Variants in MROH7 observed in about 807,000 individuals in gnomAD.
MROH7 encodes the protein maestro heat-like repeat-containing protein family member 7.
In MROH7, 113 loss-of-function variants were observed where a neutral mutation model predicts 129.2. The ratio of observed to expected loss-of-function variants is 0.87; its 90% CI spans 0.75 to 1.02. The LOEUF (loss-of-function observed/expected upper bound fraction) is 1.02, where lower values mean the gene tolerates loss of function less well. MROH7 is among the 50% of genes least tolerant of loss of function. MROH7 has a pLI of 0.00. For missense variants in MROH7, 1,601 were observed against 1,671.3 expected, an observed-to-expected ratio of 0.96 and a Z score of 0.73; for synonymous variants, 655 against 667.9, an observed-to-expected ratio of 0.98 and a Z score of 0.30.
intron 10 of MROH7, among the ~76,000 whole-genome samples, chr1:54,675,358 G>C (rs902707204): frequency 2.0e-5 from 3 of 152,176 alleles, no homozygotes; most frequent in Admixed American, 2.0e-4. Flanking sequence ...ACACATTATA[G>C]GCACTTGTCA....
chr1:54,676,522 G>A (rs1644983490), intron 10 of MROH7, among the ~76,000 whole-genome samples: 1 of 152,018 alleles, frequency 6.6e-6, no homozygotes, highest in Non-Finnish European at 1.5e-5. Flanking sequence ...CGATTCTCCT[G>A]CCTCAGCCTC....
At chr1:54,666,466 G>A (rs940360719) in intron 4 of MROH7, among the ~76,000 whole-genome samples, 2 of 125,406 alleles carry the variant, frequency 1.6e-5, no homozygotes, top group African/African-American at 6.0e-5. Flanking sequence ...GCAGGGTCTC[G>A]CTCTGTCACT....
chr1:54,669,921 T>G (rs533629961), intron 5 of MROH7, among the ~76,000 whole-genome samples: 2 of 151,764 alleles, frequency 1.3e-5, no homozygotes, highest in Non-Finnish European at 2.9e-5. Context: ...AGATAATCGC[T>G]TGAGCTAGGG....
At chr1:54,691,803 A>AAAGTGTGTGT (rs778263944) in intron 15 of MROH7, among the ~76,000 whole-genome samples, 19 of 104,186 alleles carry the variant, frequency 1.8e-4, no homozygotes, top group African/African-American at 6.7e-4. Context: ...AAAAAAAAAA[A>AAAGTGTGTGT]GTGTGTGTGT....
chr1:54,700,573 T>C, intron 18 of MROH7, 112 bp downstream of exon 18: 2 of 1,048,600 alleles, frequency 1.9e-6, no homozygotes, highest in Non-Finnish European at 2.7e-6. Context: ...AGACATCATT[T>C]CTATCTTAGC....
At position 54,682,756 on chromosome 1, in the gene MROH7, G is replaced by A. The variant is rs367669775; in HGVS notation, c.2482G>A (p.Val828Ile). Reference protein sequence around the residue: ...LLLGSLKEKPVTKEGRASIVP... With the variant: ...LLLGSLKEKPITKEGRASIVP... ...CCTGGGCAGCCTGAAGGAGAAGCCC[G>A]TCACCAAGGAGGGCCGGGCTTCCAT... Residue 828 changes from valine to isoleucine, a missense_variant, in exon 14 of 24, where the codon GTC (valine) becomes ATC (isoleucine). Physicochemically the swap from Val to Ile is conservative, Grantham distance 29. Coordinates refer to ENST00000421030, the MANE Select transcript of MROH7 (RefSeq NM_001039464.4). The A allele has an allele frequency of 2.6e-5, 42 of 1,613,764 alleles. No individual in the cohort carries two copies. The highest frequency in any genetic ancestry group is 8.0e-5 in the African/African-American group (6 of 74,934).
At chr1:54,700,053 C>A (rs925562172) in intron 17 of MROH7, 3 of 662,990 alleles carry the variant, frequency 4.5e-6, no homozygotes, top group Non-Finnish European at 2.8e-6. Context: ...AGGGTGGGCA[C>A]GCTGCTGTTA....
At chr1:54,695,569 AAAC>A (rs1387071080) in intron 17 of MROH7, 79 bp downstream of exon 17, 1 of 869,790 alleles carries the variant, frequency 1.1e-6, no homozygotes, top group South Asian at 1.4e-5. Context: ...TCTCCTATGT[AAAC>A]AGTACTTTAT....
intron 13 of MROH7, among the ~76,000 whole-genome samples, chr1:54,680,316 C>T (rs568972822): frequency 2.8e-4 from 42 of 152,334 alleles, no homozygotes; most frequent in Middle Eastern, 3.4e-3. Context: ...CTTAGGTACT[C>T]ACTGAGCAAG....
At chr1:54,685,228 G>A (rs1308327079) in intron 14 of MROH7, among the ~76,000 whole-genome samples, 1 of 152,108 alleles carries the variant, frequency 6.6e-6, no homozygotes, top group Non-Finnish European at 1.5e-5. Context: ...TGTTGGCCAG[G>A]CTGGTCTCAA....
chr1:54,679,770 C>T (rs1569933042), intron 12 of MROH7, 121 bp from the exon 13 acceptor site: 2 of 977,550 alleles, frequency 2.0e-6, no homozygotes, highest in Non-Finnish European at 3.1e-6. Context: ...TCTCTCTCTC[C>T]TTTGGGCCTT....
intron 22 of MROH7, 119 bp downstream of exon 22, chr1:54,706,656 G>A: frequency 1.4e-6 from 1 of 714,868 alleles, no homozygotes; most frequent in Non-Finnish European, 2.4e-6. Context: ...TGGGTGCAAG[G>A]CTTGGCCACC....
At chr1:54,674,321 G>A (rs1322357810) in intron 10 of MROH7, among the ~76,000 whole-genome samples, 170 bp downstream of exon 10, 3 of 152,174 alleles carry the variant, frequency 2.0e-5, no homozygotes, top group Non-Finnish European at 4.4e-5. Context: ...CAAGACCCCA[G>A]AGAACCAGGG....
intron 1 of MROH7, among the ~76,000 whole-genome samples, 155 bp downstream of exon 1, chr1:54,642,123 T>A (rs1644397766): frequency 6.6e-6 from 1 of 151,588 alleles, no homozygotes; most frequent in East Asian, 1.9e-4. Flanking sequence ...GAAAGAAGAG[T>A]CTTGGAGCCT....
chr1:54,704,501 G>A (rs891322296), intron 21 of MROH7, among the ~76,000 whole-genome samples: 4 of 144,062 alleles, frequency 2.8e-5, no homozygotes, highest in African/African-American at 5.2e-5. Context: ...TGAGTGGTGC[G>A]ATCTCGGCTC....
In MROH7 at chr1:54,699,160, TTTC is replaced by T. The variant is rs1365233815; in HGVS notation, c.2965-1158_2965-1156del. 12 of 21,018 alleles carry T rather than the reference TTTC, an allele frequency of 5.7e-4. 1 individual carries two copies. Among genetic ancestry groups the T allele is most frequent in the East Asian group, 1.4e-3 (1 of 710 alleles). The allele number at this position is 21,018 out of a possible 1,614,324, so 1.3% of individuals were successfully genotyped here. ...TTTCTTTCTTTCTTTCTTTCTTTCT[TTTC>T]TTTCTTTCTTTCTTTCTTTCTTTCT... On this transcript the variant is annotated intron_variant, in intron 17 of 23. Transcript: ENST00000421030.
intron 15 of MROH7, among the ~76,000 whole-genome samples, chr1:54,690,163 C>G (rs528673000): frequency 4.3e-4 from 65 of 152,298 alleles, no homozygotes; most frequent in African/African-American, 1.3e-3. Context: ...GCCACCCCAC[C>G]ACCCACAGCA....
Position 54,695,007 on chromosome 1 carries a change from G to T in MROH7, c.2850-369G>T, listed in dbSNP as rs953378593. ...AACCTGCTTCGAAGGATCAGATGGAGTAACAATGTGAAAGCATGTGCCTGC... is the reference window on the plus strand; with the variant it reads ...AACCTGCTTCGAAGGATCAGATGGATTAACAATGTGAAAGCATGTGCCTGC... On this transcript the variant is annotated intron_variant, in intron 16 of 23. Coordinates refer to ENST00000421030, the MANE Select transcript of MROH7 (RefSeq NM_001039464.4). Among the ~76,000 whole-genome samples the T allele has an allele frequency of 2.6e-5, 4 of 152,220 alleles. No homozygotes were observed. The East Asian group carries it at 7.7e-4, about 29-fold the overall frequency.
At chr1:54,658,204 CCA>C (rs1557695198) in intron 3 of MROH7, among the ~76,000 whole-genome samples, 1 of 152,200 alleles carries the variant, frequency 6.6e-6, no homozygotes, top group Non-Finnish European at 1.5e-5. Context: ...ATGTGGATAT[CCA>C]GTTTTTCTTG....
Sources: gnomAD v4.1 joint callset for allele counts (sites outside exome capture counted in the v4.1 genomes callset) on GRCh38, gnomAD v4.1.1 for gene constraint, MANE v1.5 for transcripts, NCBI Gene and HGNC (gene_info 2026-07-23, HGNC 2026-07-21) for gene names.